The following SRPK1 variants were observed in gnomAD, a reference collection of about 807,000 sequenced individuals.
SRPK1 encodes SRSF protein kinase 1.
A neutral mutation model predicts 89.5 loss-of-function variants in SRPK1; 52 were observed. That is an observed-to-expected ratio of 0.58 (90% CI 0.46 to 0.73). The LOEUF is 0.73. Ranked by LOEUF, SRPK1 falls within the 30% of genes least tolerant of loss-of-function variation. SRPK1 has a pLI of 0.00. For synonymous variants in SRPK1, 255 were observed against 270.2 expected (o/e 0.94, Z 0.55); for missense variants, 603 against 780.6 (o/e 0.77, Z 2.71).
intron 13 of SRPK1, among the ~76,000 whole-genome samples, chr6:35,844,791 C>T (rs920032758): frequency 3.9e-5 from 6 of 151,970 alleles, no homozygotes; most frequent in African/African-American, 1.5e-4. Context: ...ACTTGTCAAT[C>T]ATTCCTGATA....
intron 12 of SRPK1, among the ~76,000 whole-genome samples, chr6:35,861,673 G>C (rs1284590271): frequency 6.6e-6 from 1 of 152,236 alleles, no homozygotes; most frequent in Non-Finnish European, 1.5e-5. Context: ...ATTTTGAGAG[G>C]TTAATGCTAG....
At chr6:35,841,752 A>T (rs1769311944) in intron 14 of SRPK1, among the ~76,000 whole-genome samples, 1 of 151,160 alleles carries the variant, frequency 6.6e-6, no homozygotes. Context: ...GAATCGCTTG[A>T]ACGAGGGAAG....
chr6:35,850,095 GA>G (rs562115509), intron 13 of SRPK1, among the ~76,000 whole-genome samples: 58 of 150,614 alleles, frequency 3.9e-4, no homozygotes, highest in African/African-American at 8.5e-4. Context: ...AGTTAAAAAA[GA>G]AAAAAAAGGG....
intron 15 of SRPK1, among the ~76,000 whole-genome samples, 180 bp downstream of exon 15, chr6:35,838,157 C>T (rs1380842388): frequency 1.3e-5 from 2 of 151,994 alleles, no homozygotes; most frequent in Non-Finnish European, 1.5e-5. Context: ...TATGAGCCAC[C>T]GCGCCCGGCT....
At chr6:35,866,413 G>A (rs573426820) in intron 12 of SRPK1, among the ~76,000 whole-genome samples, 16 of 152,092 alleles carry the variant, frequency 1.1e-4, no homozygotes, top group East Asian at 3.9e-4. Flanking sequence ...GTGAAACCCC[G>A]TCTCTACTAA....
intron 2 of SRPK1, 117 bp downstream of exon 2, chr6:35,920,351 C>T (rs755404129): frequency 9.1e-7 from 1 of 1,104,084 alleles, no homozygotes; most frequent in Non-Finnish European, 1.4e-6. Flanking sequence ...TGCCCCGAGG[C>T]CATGTGGCTG....
At chr6:35,851,016 C>T (rs1436815666) in intron 13 of SRPK1, among the ~76,000 whole-genome samples, 1 of 151,982 alleles carries the variant, frequency 6.6e-6, no homozygotes, top group Non-Finnish European at 1.5e-5. Context: ...ATTTGATTAA[C>T]ACTTAAGACC....
intron 6 of SRPK1, among the ~76,000 whole-genome samples, chr6:35,880,742 A>AAAAAAAAAAAAAAAAAAAAAAAGAAAG: frequency 1.1e-4 from 3 of 28,194 alleles, no homozygotes; most frequent in African/African-American, 3.1e-4. Flanking sequence ...AAAGAAAAAA[A>AAAAAAAAAAAAAAAAAAAAAAAGAAAG]AAAAAAAAGA....
chr6:35,912,052 A>G (rs1770980506), intron 2 of SRPK1, among the ~76,000 whole-genome samples: 1 of 152,162 alleles, frequency 6.6e-6, no homozygotes, highest in South Asian at 2.1e-4. Flanking sequence ...GCAAGACCAT[A>G]GCTGGGTGCA....
intron 2 of SRPK1, chr6:35,905,015 C>T (rs1025178062): frequency 1.1e-5 from 5 of 435,258 alleles, no homozygotes; most frequent in Admixed American, 9.8e-5. Context: ...ATTAAGGGGG[C>T]CTGGTGGTGT....
At chr6:35,852,913 ATT>A (rs1769584793) in intron 13 of SRPK1, among the ~76,000 whole-genome samples, 1 of 152,178 alleles carries the variant, frequency 6.6e-6, no homozygotes, top group Non-Finnish European at 1.5e-5. Context: ...GATTGAAAAT[ATT>A]CAGAAACAGC....
At chr6:35,902,232 C>CA (rs58763282) in intron 2 of SRPK1, among the ~76,000 whole-genome samples, 971 of 83,490 alleles carry the variant, frequency 0.012, 12 homozygotes, top group East Asian at 0.027. Context: ...TCCGTCTCTA[C>CA]AAAAAAAAAA....
chr6:35,904,875 A>G, intron 2 of SRPK1: 1 of 339,570 alleles, frequency 2.9e-6, no homozygotes, highest in South Asian at 2.3e-5. Flanking sequence ...ACTGTGGCTC[A>G]CACCTGTAAT....
At chr6:35,843,297 G>A (rs1769353126) in intron 13 of SRPK1, among the ~76,000 whole-genome samples, 2 of 147,592 alleles carry the variant, frequency 1.4e-5, no homozygotes, top group African/African-American at 2.5e-5. Flanking sequence ...AATCACACAT[G>A]GCTAGAAATT....
At chr6:35,897,170 A>G (rs150377867) in intron 2 of SRPK1, among the ~76,000 whole-genome samples, 1 of 152,354 alleles carries the variant, frequency 6.6e-6, no homozygotes, top group African/African-American at 2.4e-5. Context: ...TGTTAAAACA[A>G]TGGAAGTGTA....
At chr6:35,878,947 C>T (rs186024047) in intron 6 of SRPK1, among the ~76,000 whole-genome samples, 37 of 152,116 alleles carry the variant, frequency 2.4e-4, no homozygotes, top group African/African-American at 8.2e-4. Flanking sequence ...GAAAATTAGC[C>T]AGGTGTGGTG....
chr6:35,874,351 T>C lies in SRPK1; in HGVS notation c.479-12A>G, dbSNP rs1245903370. On this transcript the variant is annotated splice_polypyrimidine_tract_variant and intron_variant, in intron 6 of 15. Coordinates refer to ENST00000373825, the MANE Select transcript of SRPK1 (RefSeq NM_003137.5). ...TACCATGCAGATATCTAGGAATTCA[T>C]TAAGGAGGGAAAAAACGGCACAAAA... The C allele has an allele frequency of 1.3e-6, 2 of 1,594,248 alleles. No homozygotes were observed. The highest frequency in any genetic ancestry group is 2.2e-5 in the South Asian group (2 of 89,444).
intron 8 of SRPK1, 127 bp from the exon 9 acceptor site, chr6:35,871,086 T>C (rs755259994): frequency 8.2e-5 from 45 of 551,974 alleles, no homozygotes; most frequent in Non-Finnish European, 1.2e-4. Flanking sequence ...GAGAAAACTA[T>C]TGTTTTTAAA....
chr6:35,863,418 C>T (rs1371948390), intron 12 of SRPK1, among the ~76,000 whole-genome samples: 3 of 148,982 alleles, frequency 2.0e-5, no homozygotes, highest in African/African-American at 7.4e-5. Context: ...GATGACACCA[C>T]CTCATTTCTA....
Sources: allele counts gnomAD v4.1 joint callset (sites outside exome capture counted in the v4.1 genomes callset), GRCh38; gene constraint gnomAD v4.1.1; transcripts MANE v1.5; gene names NCBI Gene and HGNC (gene_info 2026-07-23, HGNC 2026-07-21).